MBNL1: variants seen among roughly 807,000 people sequenced by gnomAD.
MBNL1 encodes the protein muscleblind like splicing regulator 1, also known as muscleblind-like protein 1.
MBNL1 carries 8 observed loss-of-function variants against 42.2 expected under a neutral mutation model. The observed-to-expected ratio is 0.19, with a 90% CI of 0.11 to 0.34. The LOEUF (loss-of-function observed/expected upper bound fraction) is 0.34, where lower values mean the gene tolerates loss of function less well. Among genes scored for constraint, MBNL1 ranks in the 10% least tolerant of loss-of-function variants. The pLI is 1.00. For missense variants in MBNL1, 309 were observed against 495.3 expected (o/e 0.62, Z 3.57); for synonymous variants, 169 against 173.9 (o/e 0.97, Z 0.22).
At chr3:152,450,100 CAAAA>C (rs752943755) in intron 6 of MBNL1, among the ~76,000 whole-genome samples, 104 of 88,058 alleles carry the variant, frequency 1.2e-3, no homozygotes, top group African/African-American at 4.5e-3. Context: ...GACTCCATCT[CAAAA>C]AAAAAAAAAA....
chr3:152,324,717 C>T (rs1308460827), intron 2 of MBNL1, among the ~76,000 whole-genome samples: 1 of 152,104 alleles, frequency 6.6e-6, no homozygotes, highest in African/African-American at 2.4e-5. Flanking sequence ...CTAAGAACAT[C>T]ACTCACTATA....
chr3:152,389,613 A>G (rs369181455), intron 2 of MBNL1, among the ~76,000 whole-genome samples: 16 of 152,130 alleles, frequency 1.1e-4, no homozygotes, highest in East Asian at 7.7e-4. Context: ...TCTCAGTGGT[A>G]TTTGTGTATC....
chr3:152,267,944 G>C (rs1267020644), upstream of MBNL1: 2 of 152,160 alleles, frequency 1.3e-5, no homozygotes, highest in African/African-American at 2.4e-5. Context: ...CAAGTTATCC[G>C]AATTCCTTAC....
chr3:152,323,446 T>G (rs1215166394), intron 2 of MBNL1, among the ~76,000 whole-genome samples: 1 of 152,108 alleles, frequency 6.6e-6, no homozygotes, highest in Non-Finnish European at 1.5e-5. Context: ...AAAATATATA[T>G]GTACACACAC....
At chr3:152,354,914 C>T (rs374398026) in intron 2 of MBNL1, among the ~76,000 whole-genome samples, 39 of 152,076 alleles carry the variant, frequency 2.6e-4, no homozygotes, top group South Asian at 8.3e-4. Flanking sequence ...GTAAATCTTT[C>T]GCCTTTTACT....
At chr3:152,384,352 T>G (rs1280973565) in intron 2 of MBNL1, among the ~76,000 whole-genome samples, 1 of 152,118 alleles carries the variant, frequency 6.6e-6, no homozygotes, top group Non-Finnish European at 1.5e-5. Context: ...AAGTTGCTGC[T>G]TCTGGGTTTT....
chr3:152,425,694 C>T (rs775070440), intron 3 of MBNL1, among the ~76,000 whole-genome samples: 28 of 151,798 alleles, frequency 1.8e-4, no homozygotes, highest in South Asian at 6.2e-4. Flanking sequence ...ATTAGAAAGT[C>T]GGGGAACAAC....
intron 2 of MBNL1, among the ~76,000 whole-genome samples, chr3:152,262,397 G>C (rs955673108): frequency 6.6e-6 from 1 of 152,088 alleles, no homozygotes; most frequent in Non-Finnish European, 1.5e-5. Context: ...ACTCAGATAG[G>C]CAAGAAGGAA....
chr3:152,414,252 A>G (rs989360611), intron 2 of MBNL1, among the ~76,000 whole-genome samples: 11 of 152,128 alleles, frequency 7.2e-5, no homozygotes, highest in Non-Finnish European at 1.5e-4. Context: ...AAATATATCC[A>G]TTTCTTATTG....
chr3:152,336,061 A>T (rs1442858585), intron 2 of MBNL1, among the ~76,000 whole-genome samples: 1 of 152,178 alleles, frequency 6.6e-6, no homozygotes, highest in Non-Finnish European at 1.5e-5. Context: ...CTGTGAGCAC[A>T]TTCATCAAAA....
At chr3:152,331,802 A>G (rs1483802881) in intron 2 of MBNL1, among the ~76,000 whole-genome samples, 3 of 152,006 alleles carry the variant, frequency 2.0e-5, no homozygotes, top group Non-Finnish European at 4.4e-5. Flanking sequence ...GCGATTCTTC[A>G]GTCTCAGCCT....
intron 2 of MBNL1, chr3:152,339,851 T>TAA (rs2092651485): frequency 6.6e-6 from 1 of 152,192 alleles, no homozygotes; most frequent in Non-Finnish European, 1.5e-5. Context: ...TAACATAATT[T>TAA]CAGAGTAGCT....
At chr3:152,347,365 A>G (rs546025125) in intron 2 of MBNL1, among the ~76,000 whole-genome samples, 5 of 152,270 alleles carry the variant, frequency 3.3e-5, no homozygotes, top group Admixed American at 3.3e-4. Context: ...TTAAAAAAAT[A>G]TATTTTTATA....
At chr3:152,336,254 T>G (rs532725900) in intron 2 of MBNL1, among the ~76,000 whole-genome samples, 48 of 152,148 alleles carry the variant, frequency 3.2e-4, no homozygotes, top group South Asian at 1.0e-3. Context: ...TCCACTTTTT[T>G]GGGGGTTTGT....
At chr3:152,330,687 G>A (rs2083785283) in intron 2 of MBNL1, among the ~76,000 whole-genome samples, 2 of 152,100 alleles carry the variant, frequency 1.3e-5, no homozygotes, top group Admixed American at 6.6e-5. Flanking sequence ...AACACGATAA[G>A]ATATTTTGAG....
chr3:152,267,671 T>C (rs2037606745), upstream of MBNL1: 1 of 152,214 alleles, frequency 6.6e-6, no homozygotes, highest in Non-Finnish European at 1.5e-5. Flanking sequence ...ATTTAATTAA[T>C]TAATTTGTTC....
In MBNL1 at chr3:152,255,762, C is replaced by T. The variant is rs575355108; in HGVS notation, n.333+11322C>T. The stretch of plus-strand genomic sequence containing the variant: ...AGAGAAGATGGGAAAATCATCTTTA[C>T]GTAGGTGGTCTCCTGAGATGGCCTA... On this transcript the variant is annotated intron_variant and non_coding_transcript_variant, in intron 2 of 2. Coordinates refer to the MBNL1 transcript ENST00000477171. Among the ~76,000 whole-genome samples the T allele has an allele frequency of 4.7e-4, 71 of 152,214 alleles. No individual in the cohort carries two copies. In the East Asian group the frequency reaches 5.0e-3, roughly 11 times the overall value.
chr3:152,429,682 G>A (rs2098980476), intron 3 of MBNL1, among the ~76,000 whole-genome samples: 1 of 152,082 alleles, frequency 6.6e-6, no homozygotes, highest in Non-Finnish European at 1.5e-5. Flanking sequence ...ACTCTCTGAT[G>A]GGGCTAGCAG....
intron 2 of MBNL1, among the ~76,000 whole-genome samples, chr3:152,378,438 G>A (rs750308627): frequency 2.0e-5 from 3 of 151,662 alleles, no homozygotes; most frequent in Non-Finnish European, 4.4e-5. Flanking sequence ...ACCAAGAAAC[G>A]GGTACAATAT....
Sources: allele counts gnomAD v4.1 joint callset (sites outside exome capture counted in the v4.1 genomes callset), GRCh38; gene constraint gnomAD v4.1.1; transcripts MANE v1.5; gene names NCBI Gene and HGNC (gene_info 2026-07-23, HGNC 2026-07-21).